USP15: variants seen among roughly 807,000 people sequenced by gnomAD.
USP15 encodes the protein ubiquitin carboxyl-terminal hydrolase 15.
Under a neutral mutation model 127.1 loss-of-function variants are expected in USP15, and 18 were observed. That is an observed-to-expected ratio of 0.14 (90% CI 0.10 to 0.21). The LOEUF (loss-of-function observed/expected upper bound fraction) is 0.21, where lower values mean the gene tolerates loss of function less well. Among genes scored for constraint, USP15 ranks in the 10% least tolerant of loss-of-function variants. The pLI is 1.00. For synonymous variants in USP15, 364 were observed against 393.7 expected (o/e 0.92, Z 0.89); for missense variants, 805 against 1,159.9 (o/e 0.69, Z 4.44).
At chr12:62,327,675 TA>T in intron 6 of USP15, 1 of 435,276 alleles carries the variant, frequency 2.3e-6, no homozygotes, top group Non-Finnish European at 4.5e-6. Flanking sequence ...ATATCATTTT[TA>T]TTTATTCCAA....
At chr12:62,282,473 G>A (rs1202410688) in intron 1 of USP15, among the ~76,000 whole-genome samples, 1 of 152,176 alleles carries the variant, frequency 6.6e-6, no homozygotes, top group East Asian at 1.9e-4. Flanking sequence ...TTACTGTACT[G>A]TACTTACCCT....
chr12:62,402,184 G>A (rs2067711778), intron 21 of USP15, among the ~76,000 whole-genome samples: 1 of 151,568 alleles, frequency 6.6e-6, no homozygotes, highest in African/African-American at 2.4e-5. Context: ...ACAAATTTGA[G>A]GTTGCCATGC....
rs2067823160 is a variant in USP15 at position 62,405,071 on chromosome 12, A to G, written c.*696A>G. The G allele has an allele frequency of 6.6e-6, 1 of 152,116 alleles. No individual in the cohort carries two copies. 9.4% of individuals were successfully genotyped at this position (152,116 alleles called of 1,614,324 possible). A position where few individuals can be genotyped will look rare whatever the true frequency, so the allele number is the denominator to read the frequency against. On this transcript the variant is annotated 3_prime_UTR_variant, in exon 22 of 22. Coordinates refer to ENST00000280377, the MANE Select transcript of USP15 (RefSeq NM_001252078.2). ...CCATCTAAAGTCATTTTTCAGTTAC[A>G]TGTAAGTATTATTTACTGCTATTGG...
intron 1 of USP15, chr12:62,278,496 C>G (rs554981292): frequency 1.3e-5 from 2 of 152,076 alleles, no homozygotes; most frequent in African/African-American, 4.8e-5. Flanking sequence ...CCAGCATCAC[C>G]GTAAACATGT....
chr12:62,390,068 G>A lies in USP15; in HGVS notation c.1844+80G>A, dbSNP rs988371878. 15 of 1,288,566 alleles carry A rather than the reference G, an allele frequency of 1.2e-5. No homozygotes were observed. The Admixed American group carries it at 1.7e-4, about 15-fold the overall frequency. 79.8% of individuals were successfully genotyped at this position (1,288,566 alleles called of 1,614,324 possible). A position where few individuals can be genotyped will look rare whatever the true frequency, so the allele number is the denominator to read the frequency against. On this transcript the variant is annotated intron_variant, in intron 14 of 21. Transcript: ENST00000280377. ...ATAGCTAATAAAAATAAACACATAAGGTACTATTGGAATATAATTATTCAA... is the reference window on the plus strand; with the variant it reads ...ATAGCTAATAAAAATAAACACATAAAGTACTATTGGAATATAATTATTCAA...
At chr12:62,280,444 A>G (rs1281514266) in intron 1 of USP15, among the ~76,000 whole-genome samples, 2 of 152,198 alleles carry the variant, frequency 1.3e-5, no homozygotes, top group Non-Finnish European at 2.9e-5. Flanking sequence ...GGAGGCTGGT[A>G]AGTCCAAGAT....
intron 7 of USP15, among the ~76,000 whole-genome samples, chr12:62,350,201 CAGTG>C (rs1246887819): frequency 5.3e-5 from 8 of 151,788 alleles, no homozygotes; most frequent in Non-Finnish European, 1.0e-4. Flanking sequence ...CTGATTATCT[CAGTG>C]AGTAAATTCT....
At chr12:62,349,379 C>G in intron 7 of USP15, 72 bp downstream of exon 7, 1 of 1,023,736 alleles carries the variant, frequency 9.8e-7, no homozygotes, top group East Asian at 3.2e-5. Flanking sequence ...TCTCTTGTAT[C>G]TAAAATTTAG....
intron 8 of USP15, among the ~76,000 whole-genome samples, chr12:62,368,138 C>T (rs1300525867): frequency 1.3e-5 from 2 of 152,036 alleles, no homozygotes; most frequent in African/African-American, 4.8e-5. Flanking sequence ...TTTCTTAATC[C>T]TGAGTTCTAA....
chr12:62,284,120 A>C (rs1370798173), intron 1 of USP15, among the ~76,000 whole-genome samples: 3 of 152,200 alleles, frequency 2.0e-5, no homozygotes, highest in Non-Finnish European at 2.9e-5. Context: ...CATTAACCTG[A>C]ATAATGGAGA....
intron 6 of USP15, chr12:62,335,815 T>C: frequency 1.0e-6 from 1 of 985,426 alleles, no homozygotes; most frequent in Non-Finnish European, 1.2e-6. Context: ...TTTAACCTAG[T>C]TTATTTGACC....
intron 17 of USP15, 86 bp downstream of exon 17, chr12:62,391,972 C>A: frequency 1.6e-6 from 2 of 1,259,748 alleles, no homozygotes; most frequent in Non-Finnish European, 2.2e-6. Context: ...GTGTTACACT[C>A]TTTGCTTCCA....
Position 62,298,595 on chromosome 12 carries a change from G to T in USP15, c.218-4195G>T, listed in dbSNP as rs117499595. Among the ~76,000 whole-genome samples the T allele has an allele frequency of 5.7e-3, 861 of 152,094 alleles. 5 individuals carry two copies. Among genetic ancestry groups the T allele is most frequent in the Middle Eastern group, 0.024 (7 of 294 alleles). Reference sequence around the variant, plus strand: ...GCAGGAGAATCGCTTGAACCTGGAAGGCAGCGGTTCAGCAAGCTGAGATCA... The same window carrying T: ...GCAGGAGAATCGCTTGAACCTGGAATGCAGCGGTTCAGCAAGCTGAGATCA... On this transcript the variant is annotated intron_variant, in intron 2 of 21. Coordinates refer to ENST00000280377, the MANE Select transcript of USP15 (RefSeq NM_001252078.2).
intron 11 of USP15, among the ~76,000 whole-genome samples, chr12:62,384,509 G>A (rs1206988923): frequency 6.6e-6 from 1 of 151,496 alleles, no homozygotes; most frequent in Non-Finnish European, 1.5e-5. Context: ...AGAGCAACGT[G>A]TGTCTTATAA....
chr12:62,335,015 C>T, intron 6 of USP15: 2 of 677,290 alleles, frequency 3.0e-6, no homozygotes, highest in South Asian at 2.0e-5. Flanking sequence ...GAAACCACTT[C>T]AGCTAAATGG....
At chr12:62,318,117 GA>G (rs2064882613) in intron 4 of USP15, among the ~76,000 whole-genome samples, 2 of 152,076 alleles carry the variant, frequency 1.3e-5, no homozygotes, top group African/African-American at 4.8e-5. Context: ...TCAGTCCTTT[GA>G]CCATTCTCAA....
At chr12:62,317,187 C>T (rs12307900) in intron 4 of USP15, among the ~76,000 whole-genome samples, 50,004 of 151,868 alleles carry the variant, frequency 0.33, 8,726 homozygotes, top group African/African-American at 0.45. Context: ...GAGTCTTCTT[C>T]TTAAGCAAAA....
chr12:62,298,553 C>T (rs1424261769), intron 2 of USP15, among the ~76,000 whole-genome samples: 1 of 152,004 alleles, frequency 6.6e-6, no homozygotes, highest in Admixed American at 6.6e-5. Context: ...GTAGTCCCAT[C>T]TACTCAGGAG....
At chr12:62,327,801 A>G (rs779476701) in intron 6 of USP15, 19 of 287,120 alleles carry the variant, frequency 6.6e-5, no homozygotes, top group Non-Finnish European at 1.2e-4. Flanking sequence ...AGAGATGACA[A>G]AAGTACAATT....
Sources: gnomAD v4.1 joint callset for allele counts (sites outside exome capture counted in the v4.1 genomes callset) on GRCh38, gnomAD v4.1.1 for gene constraint, MANE v1.5 for transcripts, NCBI Gene and HGNC (gene_info 2026-07-23, HGNC 2026-07-21) for gene names.